The following LHX4 variants were observed in gnomAD, a reference collection of about 807,000 sequenced individuals.
LHX4 encodes the protein LIM/homeobox protein Lhx4.
In LHX4, 16 loss-of-function variants were observed where a neutral mutation model predicts 39.2. The observed-to-expected ratio is 0.41, with a 90% CI of 0.28 to 0.62. The LOEUF (loss-of-function observed/expected upper bound fraction) is 0.62, where lower values mean the gene tolerates loss of function less well. Among genes scored for constraint, LHX4 ranks in the 20% least tolerant of loss-of-function variants. The probability of loss-of-function intolerance (pLI) is 0.33; values close to 1 mark genes in which losing one functional copy is unlikely to be tolerated. For missense variants in LHX4, 439 were observed against 511.9 expected (o/e 0.86, Z 1.37); for synonymous variants, 206 against 198.1 (o/e 1.04, Z -0.33).
rs760229052 is a variant in LHX4, at chr1:180,248,342, T to C, written c.134T>C (p.Val45Ala). The change falls in exon 2 of 6, where the codon GTC becomes GCC. Residue 45 changes from valine to alanine, a missense_variant. By Grantham distance (64) the Val-to-Ala change is moderately conservative (BLOSUM62 0). Coordinates refer to ENST00000263726, the MANE Select transcript of LHX4 (RefSeq NM_033343.4). ...QHILDKFILK[V>A]LDRHWHSSCL... ...ATCCTGGACAAGTTCATCCTGAAGG[T>C]CCTGGACAGACACTGGCACAGCTCC... The C allele has an allele frequency of 6.2e-7, 1 of 1,614,182 alleles. No homozygotes were observed. Among genetic ancestry groups the C allele is most frequent in the Admixed American group, 1.7e-5 (1 of 60,026 alleles).
At chr1:180,257,994 G>A (rs529116899) in intron 2 of LHX4, among the ~76,000 whole-genome samples, 3 of 152,326 alleles carry the variant, frequency 2.0e-5, no homozygotes, top group South Asian at 4.1e-4. Context: ...CAAGCATTGC[G>A]CAGGACTGGG....
At chr1:180,255,086 G>T (rs1284687249) in intron 2 of LHX4, among the ~76,000 whole-genome samples, 1 of 152,220 alleles carries the variant, frequency 6.6e-6, no homozygotes, top group East Asian at 1.9e-4. Flanking sequence ...CTGTGGGCAG[G>T]AACCGCAGCC....
At chr1:180,250,442 T>TG (rs1647578620) in intron 2 of LHX4, among the ~76,000 whole-genome samples, 1 of 152,060 alleles carries the variant, frequency 6.6e-6, no homozygotes. Flanking sequence ...GGCCTAGCCT[T>TG]GGGGTCGGGT....
At chr1:180,243,161 G>GT (rs1647232140) in intron 1 of LHX4, among the ~76,000 whole-genome samples, 1 of 152,050 alleles carries the variant, frequency 6.6e-6, no homozygotes, top group African/African-American at 2.4e-5. Flanking sequence ...GCTAATTTTT[G>GT]TTTTTTTAGT....
intron 1 of LHX4, among the ~76,000 whole-genome samples, chr1:180,238,149 A>G (rs190510986): frequency 8.5e-5 from 13 of 152,362 alleles, no homozygotes; most frequent in South Asian, 2.1e-4. Context: ...TACAGCCTTA[A>G]AATGATAACA....
chr1:180,258,152 C>A (rs1173841847), intron 2 of LHX4, among the ~76,000 whole-genome samples: 1 of 152,146 alleles, frequency 6.6e-6, no homozygotes, highest in Non-Finnish European at 1.5e-5. Context: ...ACAGGGTCAG[C>A]AAGAAATAAG....
Position 180,274,479 on chromosome 1 carries a change from G to T in LHX4, c.1073G>T (p.Gly358Val). The stretch of plus-strand genomic sequence containing the variant: ...CAGACGCTGAGAGCCATGGCTGGGG[G>T]ACCCACCTCTGACATCTCCACAGGA... ...VSQTLRAMAG[G>V]PTSDISTGSS... Residue 358 changes from glycine to valine, a missense_variant, in exon 6 of 6, where the codon GGA becomes GTA. Coordinates refer to ENST00000263726, the MANE Select transcript of LHX4 (RefSeq NM_033343.4). 1.2e-6 allele frequency: 2 copies of T among 1,613,998 alleles called. No homozygotes were observed. The highest frequency in any genetic ancestry group is 1.7e-6 in the Non-Finnish European group (2 of 1,180,032).
In LHX4 at chr1:180,230,613, AC is replaced by A; in HGVS notation, c.76+14del. 1.2e-6 allele frequency: 2 copies of A among 1,610,692 alleles called. No individual in the cohort carries two copies. Among genetic ancestry groups the A allele is most frequent in the Non-Finnish European group, 1.7e-6 (2 of 1,177,904 alleles). ...TAGGTGTGCCGATGCAACGTAAGAC[AC>A]CCCCCTTTCTCGCTGATTTAATTCT... On this transcript the variant is annotated intron_variant, in intron 1 of 5. Coordinates refer to ENST00000263726, the MANE Select transcript of LHX4 (RefSeq NM_033343.4). This position sits in a 1 kb window ranked among gnomAD's most constrained non-coding sequence, Gnocchi z 5.8.
At chr1:180,230,246 G>A (rs1046878539), upstream of LHX4, 33 of 493,644 alleles carry the variant, frequency 6.7e-5, no homozygotes, top group African/African-American at 6.8e-4. The surrounding 1 kb of genome is among the most constrained non-coding windows in gnomAD (Gnocchi z 5.8). Flanking sequence ...GGGCGGGGGA[G>A]GGAAGAGGAA....
chr1:180,261,150 G>A (rs1333363545), intron 2 of LHX4, among the ~76,000 whole-genome samples: 1 of 151,780 alleles, frequency 6.6e-6, no homozygotes, highest in African/African-American at 2.4e-5. Context: ...CCAGTGCTTT[G>A]GGGGCCAAGA....
At chr1:180,256,701 CTGGGCCCCAAAG>C (rs1647871884) in intron 2 of LHX4, among the ~76,000 whole-genome samples, 1 of 152,180 alleles carries the variant, frequency 6.6e-6, no homozygotes, top group Non-Finnish European at 1.5e-5. Flanking sequence ...AGTGTGGGTT[CTGGGCCCCAAAG>C]TGGGAGTCAG....
chr1:180,274,606 C>A lies in LHX4; in HGVS notation c.*27C>A. 1 of 1,529,606 alleles carries A rather than the reference C, an allele frequency of 6.5e-7. No homozygotes were observed. Among genetic ancestry groups the A allele is most frequent in the Non-Finnish European group, 8.8e-7 (1 of 1,142,366 alleles). 94.8% of individuals were successfully genotyped at this position (1,529,606 alleles called of 1,614,324 possible). A position where few individuals can be genotyped will look rare whatever the true frequency, so the allele number is the denominator to read the frequency against. ...CTTCTCTCCTCCCCACCCTACCTGC[C>A]CCCCTGGCTTGAGAGAATATCTTCA... On this transcript the variant is annotated 3_prime_UTR_variant, in exon 6 of 6. Coordinates refer to ENST00000263726, the MANE Select transcript of LHX4 (RefSeq NM_033343.4).
upstream of LHX4, among the ~76,000 whole-genome samples, chr1:180,229,728 G>A (rs1022672410): frequency 6.6e-6 from 1 of 151,712 alleles, no homozygotes; most frequent in African/African-American, 2.4e-5. Context: ...ACGCAGCCCC[G>A]TCCCCGGCCT....
chr1:180,257,015 T>C (rs1203456846), intron 2 of LHX4, among the ~76,000 whole-genome samples: 1 of 152,250 alleles, frequency 6.6e-6, no homozygotes, highest in South Asian at 2.1e-4. Flanking sequence ...ACATGATCCG[T>C]GCTTGTTTAC....
At chr1:180,242,498 G>GTA (rs140615954) in intron 1 of LHX4, among the ~76,000 whole-genome samples, 1,891 of 151,592 alleles carry the variant, frequency 0.012, 10 homozygotes, top group Middle Eastern at 0.017. Context: ...ATATCTGTGT[G>GTA]TATATATATA....
Position 180,274,727 on chromosome 1 carries a change from T to C in LHX4, c.*148T>C. The stretch of plus-strand genomic sequence containing the variant: ...AGTCCTCCGCTGATTCCTAGAAGGC[T>C]GTGAGACCACACTAGGGCATTGTTT... On this transcript the variant is annotated 3_prime_UTR_variant, in exon 6 of 6. Coordinates refer to ENST00000263726, the MANE Select transcript of LHX4 (RefSeq NM_033343.4). 1 of 929,972 alleles carries C rather than the reference T, an allele frequency of 1.1e-6. No individual in the cohort carries two copies. Among genetic ancestry groups the C allele is most frequent in the South Asian group, 1.8e-5 (1 of 56,924 alleles). 57.6% of individuals were successfully genotyped at this position (929,972 alleles called of 1,614,324 possible).
chr1:180,267,472 A>G (rs1278033100), intron 3 of LHX4, among the ~76,000 whole-genome samples: 1 of 152,220 alleles, frequency 6.6e-6, no homozygotes, highest in Non-Finnish European at 1.5e-5. Flanking sequence ...TCCCCTCGCA[A>G]AGCCAAGGTG....
chr1:180,228,696 C>T (rs1440536256), upstream of LHX4, among the ~76,000 whole-genome samples: 8 of 152,168 alleles, frequency 5.3e-5, no homozygotes, highest in Non-Finnish European at 1.0e-4. Context: ...AGTACCAGGA[C>T]ACACAAAAGT....
chr1:180,257,430 T>C (rs753801503), intron 2 of LHX4, among the ~76,000 whole-genome samples: 3 of 152,214 alleles, frequency 2.0e-5, no homozygotes, highest in Non-Finnish European at 4.4e-5. Context: ...ACATGGGGGC[T>C]GTGTCCCCAG....
Sources: gnomAD v4.1 joint callset for allele counts (sites outside exome capture counted in the v4.1 genomes callset) on GRCh38, gnomAD v4.1.1 for gene constraint, Gnocchi (gnomAD v3.1) non-coding constraint, MANE v1.5 for transcripts, NCBI Gene and HGNC (gene_info 2026-07-23, HGNC 2026-07-21) for gene names.